ATXN1: variants seen among roughly 807,000 people sequenced by gnomAD.
ATXN1 encodes ataxin 1.
Under a neutral mutation model 56.4 loss-of-function variants are expected in ATXN1, and 8 were observed. That is an observed-to-expected ratio of 0.14 (90% confidence interval 0.08 to 0.26). ATXN1 has a LOEUF of 0.26. Ranked by LOEUF, ATXN1 falls within the 10% of genes least tolerant of loss-of-function variation. The probability of loss-of-function intolerance (pLI) is 1.00; values close to 1 mark genes in which losing one functional copy is unlikely to be tolerated. For missense variants in ATXN1, 987 were observed against 1,106.5 expected, an observed-to-expected ratio of 0.89 and a Z score of 1.53; for synonymous variants, 514 against 494.6, an observed-to-expected ratio of 1.04 and a Z score of -0.52.
chr6:16,503,045 T>C (rs928415419), intron 5 of ATXN1, among the ~76,000 whole-genome samples: 5 of 152,234 alleles, frequency 3.3e-5, no homozygotes, highest in African/African-American at 1.2e-4. Flanking sequence ...TGATTCCTCA[T>C]TGCCAACAGC....
intron 6 of ATXN1, among the ~76,000 whole-genome samples, chr6:16,474,909 A>G (rs1372518990): frequency 1.3e-5 from 2 of 152,262 alleles, no homozygotes; most frequent in East Asian, 3.9e-4. Flanking sequence ...AAGATACAAG[A>G]ATGTAGATAT....
intron 2 of ATXN1, among the ~76,000 whole-genome samples, chr6:16,744,221 A>G (rs1760443129): frequency 6.6e-6 from 1 of 152,154 alleles, no homozygotes; most frequent in African/African-American, 2.4e-5. Flanking sequence ...AGTTGTTCCC[A>G]ACCTTCCACT....
intron 6 of ATXN1, among the ~76,000 whole-genome samples, chr6:16,473,345 C>T (rs1005049011): frequency 1.3e-5 from 2 of 152,210 alleles, no homozygotes; most frequent in East Asian, 1.9e-4. Flanking sequence ...TCACTCTTGG[C>T]GACTTGAATT....
intron 5 of ATXN1, among the ~76,000 whole-genome samples, chr6:16,504,767 T>C (rs1760949696): frequency 6.6e-6 from 1 of 152,096 alleles, no homozygotes; most frequent in Non-Finnish European, 1.5e-5. Context: ...TCCCCTCATG[T>C]GTAAAATAAC....
chr6:16,705,987 C>G (rs990327182), intron 2 of ATXN1, among the ~76,000 whole-genome samples: 6 of 152,160 alleles, frequency 3.9e-5, no homozygotes, highest in East Asian at 1.9e-4. Flanking sequence ...CACAAGGGCC[C>G]TTCCTGATCG....
chr6:16,721,715 T>C (rs1317229857), intron 2 of ATXN1, among the ~76,000 whole-genome samples: 1 of 152,222 alleles, frequency 6.6e-6, no homozygotes. Context: ...TCATGGTTAT[T>C]TTTAATTGAA....
intron 2 of ATXN1, among the ~76,000 whole-genome samples, chr6:16,699,908 A>G (rs374092117): frequency 3.3e-4 from 50 of 152,352 alleles, no homozygotes; most frequent in African/African-American, 1.1e-3. Context: ...GCAACACAGT[A>G]CAGAGTTTTA....
chr6:16,673,032 A>G (rs562020637), intron 2 of ATXN1, among the ~76,000 whole-genome samples: 23 of 151,516 alleles, frequency 1.5e-4, no homozygotes, highest in South Asian at 4.2e-4. Flanking sequence ...AAAAAAAAAA[A>G]AAAAGAAAAG....
intron 6 of ATXN1, among the ~76,000 whole-genome samples, chr6:16,399,354 G>A (rs1011477370): frequency 7.9e-5 from 12 of 152,134 alleles, no homozygotes; most frequent in Non-Finnish European, 7.3e-5. Flanking sequence ...ACACTTTCTT[G>A]GAAAGGACTT....
intron 6 of ATXN1, among the ~76,000 whole-genome samples, chr6:16,481,247 C>T (rs1273371467): frequency 6.6e-6 from 1 of 152,128 alleles, no homozygotes; most frequent in Admixed American, 6.6e-5. Context: ...GTGGAATCTC[C>T]CCTTCTCTCC....
chr6:16,427,498 C>G (rs1759182151), intron 6 of ATXN1, among the ~76,000 whole-genome samples: 1 of 152,226 alleles, frequency 6.6e-6, no homozygotes, highest in Non-Finnish European at 1.5e-5. Flanking sequence ...GTGACACACA[C>G]TCACATTCAT....
At chr6:16,534,251 G>A (rs1174994644) in intron 4 of ATXN1, among the ~76,000 whole-genome samples, 1 of 151,854 alleles carries the variant, frequency 6.6e-6, no homozygotes, top group Admixed American at 6.6e-5. Context: ...AAAATTTTCT[G>A]ACCGTTAAGA....
chr6:16,679,916 T>A (rs1758779112), intron 2 of ATXN1, among the ~76,000 whole-genome samples: 2 of 152,238 alleles, frequency 1.3e-5, no homozygotes, highest in Non-Finnish European at 2.9e-5. Context: ...CCTATTGAGT[T>A]CATAATGTGG....
intron 2 of ATXN1, among the ~76,000 whole-genome samples, chr6:16,712,635 G>A (rs1410523735): frequency 6.6e-6 from 1 of 151,760 alleles, no homozygotes; most frequent in East Asian, 1.9e-4. Flanking sequence ...TTCCTCCCTC[G>A]ACACCTCTGT....
chr6:16,670,513 CAG>C (rs1758518982), intron 2 of ATXN1, among the ~76,000 whole-genome samples: 1 of 152,184 alleles, frequency 6.6e-6, no homozygotes, highest in Non-Finnish European at 1.5e-5. Context: ...CTGGAGAAAA[CAG>C]ATGTGGAGGA....
At chr6:16,529,442 C>T (rs1406463365) in intron 4 of ATXN1, among the ~76,000 whole-genome samples, 3 of 152,044 alleles carry the variant, frequency 2.0e-5, no homozygotes, top group Non-Finnish European at 4.4e-5. Context: ...ATGCAATCAA[C>T]AGCATAGAGA....
chr6:16,582,196 TC>T (rs1762542447), intron 4 of ATXN1, among the ~76,000 whole-genome samples: 2 of 152,220 alleles, frequency 1.3e-5, no homozygotes, highest in African/African-American at 2.4e-5. Flanking sequence ...TTCTCCAGTT[TC>T]CAATTTCAGA....
intron 6 of ATXN1, among the ~76,000 whole-genome samples, chr6:16,356,923 AG>A (rs1761699159): frequency 6.6e-6 from 1 of 152,212 alleles, no homozygotes; most frequent in Admixed American, 6.5e-5. Context: ...TTGGGAAAGC[AG>A]GGGTCATATA....
intron 4 of ATXN1, among the ~76,000 whole-genome samples, chr6:16,543,098 T>C (rs1761746477): frequency 1.3e-5 from 2 of 152,180 alleles, no homozygotes; most frequent in South Asian, 4.1e-4. Flanking sequence ...AATCACAGCA[T>C]GTCCACAAAT....
Sources: allele counts gnomAD v4.1 joint callset (sites outside exome capture counted in the v4.1 genomes callset), GRCh38; gene constraint gnomAD v4.1.1; transcripts MANE v1.5; gene names NCBI Gene and HGNC (gene_info 2026-07-23, HGNC 2026-07-21).